The following AHRR variants were observed in gnomAD, a reference collection of about 807,000 sequenced individuals.
AHRR encodes aryl hydrocarbon receptor repressor.
A neutral mutation model predicts 44.0 loss-of-function variants in AHRR; 28 were observed. The ratio of observed to expected loss-of-function variants is 0.64; its 90% confidence interval spans 0.47 to 0.87. AHRR has a LOEUF of 0.87. Among genes scored for constraint, AHRR ranks in the 40% least tolerant of loss-of-function variants. The pLI is 0.00. For synonymous variants in AHRR, 434 were observed against 407.0 expected (o/e 1.07, Z -0.80); for missense variants, 990 against 953.9 (o/e 1.04, Z -0.50).
At chr5:349,192 A>G (rs1399908918) in intron 2 of AHRR, among the ~76,000 whole-genome samples, 7 of 152,344 alleles carry the variant, frequency 4.6e-5, no homozygotes, top group South Asian at 4.2e-4. Context: ...AGTTCTTTAC[A>G]TATTCTGGAT....
At chr5:343,614 C>G in intron 1 of AHRR, 1 of 442,516 alleles carries the variant, frequency 2.3e-6, no homozygotes, top group Non-Finnish European at 4.0e-6. Flanking sequence ...GCGCCCTGAG[C>G]CAGGCTCCAG....
intron 8 of AHRR, among the ~76,000 whole-genome samples, chr5:428,885 A>G (rs1736589225): frequency 6.6e-6 from 1 of 152,146 alleles, no homozygotes; most frequent in African/African-American, 2.4e-5. Flanking sequence ...CAGTCCTGTG[A>G]GAATCATGCC....
At chr5:431,827 G>C (rs980629686) in intron 8 of AHRR, among the ~76,000 whole-genome samples, 1 of 152,232 alleles carries the variant, frequency 6.6e-6, no homozygotes, top group Non-Finnish European at 1.5e-5. Flanking sequence ...TGTGAGTCTT[G>C]TGTTAGTCAT....
intron 1 of AHRR, among the ~76,000 whole-genome samples, chr5:340,688 A>ATTTTT (rs539789608): frequency 1.0e-3 from 13 of 12,928 alleles, no homozygotes; most frequent in Non-Finnish European, 1.3e-3. Flanking sequence ...ATATATATAT[A>ATTTTT]TTTTTTTTTT....
intron 5 of AHRR, chr5:421,272 G>A (rs1345254800): frequency 2.9e-6 from 2 of 698,580 alleles, no homozygotes; most frequent in East Asian, 2.7e-5. Flanking sequence ...CCGTGTGCAG[G>A]CACGGAACGG....
intron 8 of AHRR, among the ~76,000 whole-genome samples, chr5:430,420 C>G (rs968921482): frequency 2.0e-5 from 3 of 152,268 alleles, no homozygotes; most frequent in Non-Finnish European, 4.4e-5. Flanking sequence ...CTGCTGGCTT[C>G]CCGATGCAGA....
Position 404,022 on chromosome 5 carries a change from C to A in AHRR, c.352-9322C>A. ...TTCGAACTTGGTGTTTTTTCTTAATCCACGGCTGAATCTGTTTAGTCTTTG... is the reference window on the plus strand; with the variant it reads ...TTCGAACTTGGTGTTTTTTCTTAATACACGGCTGAATCTGTTTAGTCTTTG... On this transcript the variant is annotated intron_variant, in intron 4 of 10. Coordinates refer to ENST00000684583, the MANE Select transcript of AHRR (RefSeq NM_001377236.1). The surrounding 1 kb of genome is among the most constrained non-coding windows in gnomAD (Gnocchi z 4.1). 1.2e-6 allele frequency: 1 copy of A among 824,882 alleles called. No individual in the cohort carries two copies. Among genetic ancestry groups the A allele is most frequent in the South Asian group, 1.4e-5 (1 of 72,880 alleles). 51.1% of individuals were successfully genotyped at this position (824,882 alleles called of 1,614,324 possible).
At position 434,126 on chromosome 5, in the gene AHRR, C is replaced by T. The variant is rs758773613; in HGVS notation, c.1386C>T (p.Ser462=). 3 of 1,612,552 alleles carry T rather than the reference C, an allele frequency of 1.9e-6. No individual in the cohort carries two copies. Among genetic ancestry groups the T allele is most frequent in the Non-Finnish European group, 2.5e-6 (3 of 1,179,702 alleles). The change falls in exon 11 of 11, where the codon AGC becomes AGT. Residue 462 remains serine, a synonymous_variant. Transcript: ENST00000684583. Reference sequence around the variant, plus strand: ...GCCCGTCCCCCAGTGCCTACTCCAGCCGGACCAGCAGACCCATGCGGGATG... The same window carrying T: ...GCCCGTCCCCCAGTGCCTACTCCAGTCGGACCAGCAGACCCATGCGGGATG... The part of the protein sequence containing the change: ...PPSPSPSAYS[S]RTSRPMRDVG...
At chr5:382,472 A>G (rs902619062) in intron 4 of AHRR, among the ~76,000 whole-genome samples, 1 of 152,072 alleles carries the variant, frequency 6.6e-6, no homozygotes, top group African/African-American at 2.4e-5. Flanking sequence ...TGATCTTTTA[A>G]TGTCTGTAGG....
chr5:379,422 T>A (rs1305044143), intron 4 of AHRR, among the ~76,000 whole-genome samples: 1 of 152,214 alleles, frequency 6.6e-6, no homozygotes, highest in East Asian at 1.9e-4. Flanking sequence ...TGAGCGTAGG[T>A]CTTCGTTTCA....
Position 383,817 on chromosome 5 carries a change from G to A in AHRR, c.351+7101G>A, listed in dbSNP as rs988038336. On this transcript the variant is annotated intron_variant, in intron 4 of 10. Coordinates refer to ENST00000684583, the MANE Select transcript of AHRR (RefSeq NM_001377236.1). The surrounding 1 kb of genome is among the most constrained non-coding windows in gnomAD (Gnocchi z 4.0). The stretch of plus-strand genomic sequence containing the variant: ...GGCCTCAAGCTGTCCTCCCACCCCC[G>A]GCCTCCCAAAGTGTTGAGATTACAG... Among the ~76,000 whole-genome samples the A allele has an allele frequency of 2.6e-5, 4 of 151,762 alleles. No individual in the cohort carries two copies. The highest frequency in any genetic ancestry group is 2.1e-4 in the South Asian group (1 of 4,800).
At chr5:380,960 G>A (rs2126452917) in intron 4 of AHRR, among the ~76,000 whole-genome samples, 1 of 152,332 alleles carries the variant, frequency 6.6e-6, no homozygotes, top group Admixed American at 6.5e-5. Flanking sequence ...CTAGCTCAAG[G>A]CCAAAGGCCT....
intron 4 of AHRR, among the ~76,000 whole-genome samples, chr5:380,731 A>G (rs746860015): frequency 2.0e-5 from 3 of 152,158 alleles, no homozygotes; most frequent in Non-Finnish European, 2.9e-5. Flanking sequence ...ATTCCATGGG[A>G]TTTTTTAAAA....
rs1268893149 is a variant in AHRR, at chr5:337,322, G to A, written c.-10-6571G>A. The stretch of plus-strand genomic sequence containing the variant: ...CCATTTATTTCATATGTGTTTTAAT[G>A]TGTATGTCTAAAACGTGGATTTTAA... On this transcript the variant is annotated intron_variant, in intron 1 of 10. Transcript: ENST00000684583. The surrounding 1 kb of genome is among the most constrained non-coding windows in gnomAD (Gnocchi z 4.1). 3.3e-5 allele frequency among the ~76,000 whole-genome samples: 5 copies of A among 152,086 alleles called. No homozygotes were observed. The highest frequency in any genetic ancestry group is 1.2e-4 in the African/African-American group (5 of 41,416).
chr5:434,749 A>G lies in AHRR; in HGVS notation c.2009A>G (p.Gln670Arg). 2 of 1,567,884 alleles carry G rather than the reference A, an allele frequency of 1.3e-6. No homozygotes were observed. Among genetic ancestry groups the G allele is most frequent in the Non-Finnish European group, 1.7e-6 (2 of 1,156,072 alleles). ...TCACCCCAGTGGGCTACTCACAGCC[A>G]GGGAATGGTGCCCGGGATGTTGCCC... ...LDSPQWATHS[Q>R]GMVPGMLPKS... Residue 670 changes from glutamine (Q) to arginine (R), a missense_variant, in exon 11 of 11, where the codon CAG becomes CGG. By Grantham distance (43) the Gln-to-Arg change is conservative (BLOSUM62 1). Coordinates refer to ENST00000684583, the MANE Select transcript of AHRR (RefSeq NM_001377236.1).
chr5:336,483 A>C (rs1238346254), intron 1 of AHRR, among the ~76,000 whole-genome samples: 1 of 152,174 alleles, frequency 6.6e-6, no homozygotes, highest in East Asian at 1.9e-4. Flanking sequence ...GCCCATTTTA[A>C]AATTGGGTTG....
chr5:341,610 C>T (rs867481782), intron 1 of AHRR, among the ~76,000 whole-genome samples: 135 of 149,248 alleles, frequency 9.0e-4, no homozygotes, highest in African/African-American at 3.2e-3. Flanking sequence ...CAACCTCCAT[C>T]TTCCAGGCTC....
intron 3 of AHRR, 48 bp from the exon 4 acceptor site, chr5:376,562 C>CGGGGAAA: frequency 5.1e-5 from 10 of 195,640 alleles, no homozygotes; most frequent in South Asian, 1.3e-4. Flanking sequence ...AGAAGAGTGG[C>CGGGGAAA]CAGGCCAAGG....
intron 10 of AHRR, 83 bp from the exon 11 acceptor site, chr5:433,770 G>T: frequency 2.2e-6 from 3 of 1,365,126 alleles, no homozygotes; most frequent in Non-Finnish European, 2.9e-6. Context: ...TGATTTCGTA[G>T]CCTCCCTTAG....
Sources: gnomAD v4.1 joint callset for allele counts (sites outside exome capture counted in the v4.1 genomes callset) on GRCh38, gnomAD v4.1.1 for gene constraint, Gnocchi (gnomAD v3.1) non-coding constraint, MANE v1.5 for transcripts, NCBI Gene and HGNC (gene_info 2026-07-23, HGNC 2026-07-21) for gene names.